ASAP3: variants seen among roughly 807,000 people sequenced by gnomAD.
The protein encoded by ASAP3 is ArfGAP with SH3 domain, ankyrin repeat and PH domain 3.
ASAP3 carries 85 observed loss-of-function variants against 118.2 expected under a neutral mutation model. The ratio of observed to expected loss-of-function variants is 0.72; its 90% CI spans 0.60 to 0.86. The LOEUF (loss-of-function observed/expected upper bound fraction) is 0.86, where lower values mean the gene tolerates loss of function less well. Ranked by LOEUF, ASAP3 falls within the 40% of genes least tolerant of loss-of-function variation. The pLI is 0.00. For missense variants in ASAP3, 1,026 were observed against 1,175.0 expected (o/e 0.87, Z 1.85); for synonymous variants, 432 against 477.4 (o/e 0.90, Z 1.24).
chr1:23,465,101 T>C (rs1285791738), intron 1 of ASAP3, among the ~76,000 whole-genome samples: 1 of 152,248 alleles, frequency 6.6e-6, no homozygotes, highest in Non-Finnish European at 1.5e-5. Context: ...AAGTAAATTC[T>C]ATAGGTAAAG....
chr1:23,477,010 T>C lies in ASAP3; in HGVS notation c.129+6995A>G. The stretch of plus-strand genomic sequence containing the variant: ...AGTCAAAATCTATTGACAAATTAGA[T>C]CTTAATAAAATAATATTTTGTCGGG... On this transcript the variant is annotated intron_variant, in intron 1 of 24. Transcript: ENST00000336689. Among the ~76,000 whole-genome samples, 4 of 152,004 alleles carry C rather than the reference T, an allele frequency of 2.6e-5. 1 individual carries two copies. The South Asian group carries it at 8.3e-4, about 32-fold the overall frequency.
At chr1:23,448,167 G>A (rs1641105191) in intron 5 of ASAP3, among the ~76,000 whole-genome samples, 1 of 152,322 alleles carries the variant, frequency 6.6e-6, no homozygotes, top group Middle Eastern at 3.4e-3. Flanking sequence ...TACTAAGACC[G>A]AGATCATTGC....
intron 5 of ASAP3, among the ~76,000 whole-genome samples, chr1:23,451,023 G>A (rs1390411426): frequency 1.3e-5 from 2 of 152,194 alleles, no homozygotes; most frequent in African/African-American, 4.8e-5. Flanking sequence ...TGACACTGAG[G>A]AACGAGGAGC....
At chr1:23,454,619 C>T (rs958175266) in intron 3 of ASAP3, among the ~76,000 whole-genome samples, 2 of 152,200 alleles carry the variant, frequency 1.3e-5, no homozygotes, top group African/African-American at 4.8e-5. Flanking sequence ...CACCCAGCCT[C>T]AAACACTGTT....
intron 1 of ASAP3, among the ~76,000 whole-genome samples, chr1:23,458,775 T>G (rs1204951145): frequency 6.6e-6 from 1 of 151,720 alleles, no homozygotes; most frequent in Non-Finnish European, 1.5e-5. Flanking sequence ...CAGAAGCATG[T>G]GTTTACCAAA....
chr1:23,454,605 G>A (rs1004555677), intron 3 of ASAP3, among the ~76,000 whole-genome samples: 2 of 152,304 alleles, frequency 1.3e-5, no homozygotes, highest in South Asian at 2.1e-4. Flanking sequence ...GGTTTGAAAT[G>A]TTGCACCCAG....
chr1:23,477,580 G>A (rs1642173409), intron 1 of ASAP3, among the ~76,000 whole-genome samples: 1 of 151,976 alleles, frequency 6.6e-6, no homozygotes, highest in Non-Finnish European at 1.5e-5. Flanking sequence ...AGGTAACTAA[G>A]GCCACACGTG....
chr1:23,433,743 C>T (rs1238328372), intron 19 of ASAP3, 50 bp from the exon 20 acceptor site: 3 of 1,610,692 alleles, frequency 1.9e-6, no homozygotes, highest in Non-Finnish European at 2.5e-6. Flanking sequence ...AGAAACATTA[C>T]AGCTTAGAGA....
In ASAP3 at chr1:23,433,639, TCC is replaced by T; in HGVS notation, c.2004_2005del (p.Glu669ValfsTer2). On this transcript the variant is annotated frameshift_variant, in exon 20 of 25. Transcript: ENST00000336689. LOFTEE classifies it high-confidence loss of function. Reference sequence around the variant, plus strand: ...CCGAGTCCTCACCAGCTCCTCACACTCCTTGTGGTGCTTCTTCCTGGCTATGT... The same window carrying T: ...CCGAGTCCTCACCAGCTCCTCACACTTTGTGGTGCTTCTTCCTGGCTATGT... 6.2e-7 allele frequency: 1 copy of T among 1,614,196 alleles called. No homozygotes were observed. The highest frequency in any genetic ancestry group is 8.5e-7 in the Non-Finnish European group (1 of 1,180,036).
intron 1 of ASAP3, among the ~76,000 whole-genome samples, chr1:23,471,591 G>C (rs570372991): frequency 6.6e-6 from 1 of 152,274 alleles, no homozygotes; most frequent in Admixed American, 6.5e-5. Flanking sequence ...TAAGGACTCC[G>C]GCTTTCAAGT....
chr1:23,449,060 TC>T (rs1641133416), intron 5 of ASAP3, among the ~76,000 whole-genome samples: 3 of 152,074 alleles, frequency 2.0e-5, no homozygotes, highest in Non-Finnish European at 4.4e-5. Context: ...TAACAGTCTC[TC>T]TCAGAACAGG....
intron 3 of ASAP3, among the ~76,000 whole-genome samples, chr1:23,453,379 C>T (rs184883841): frequency 2.0e-5 from 3 of 152,218 alleles, no homozygotes; most frequent in East Asian, 1.9e-4. Context: ...GGAACAGGCA[C>T]GCACCCAAGC....
intron 5 of ASAP3, among the ~76,000 whole-genome samples, chr1:23,447,777 A>C (rs953099208): frequency 6.6e-6 from 1 of 152,230 alleles, no homozygotes; most frequent in Admixed American, 6.5e-5. Flanking sequence ...AAAAGATGCT[A>C]CTTAACTCAA....
upstream of ASAP3, chr1:23,484,412 C>A (rs11576576): frequency 4.1e-6 from 1 of 241,838 alleles, no homozygotes. Context: ...CGCCGGCCCC[C>A]TAGGCCACGC....
chr1:23,454,761 T>A (rs927913767), intron 3 of ASAP3, among the ~76,000 whole-genome samples: 16 of 152,266 alleles, frequency 1.1e-4, no homozygotes, highest in African/African-American at 3.9e-4. Context: ...CAACATTTAC[T>A]GAGCGCTTAC....
intron 22 of ASAP3, 77 bp downstream of exon 22, chr1:23,433,000 A>G: frequency 6.5e-7 from 1 of 1,548,238 alleles, no homozygotes; most frequent in Non-Finnish European, 8.8e-7. Flanking sequence ...TAACATATGC[A>G]CTCAGCTCAG....
At chr1:23,442,412 C>G in intron 6 of ASAP3, 89 bp downstream of exon 6, 2 of 1,594,780 alleles carry the variant, frequency 1.3e-6, no homozygotes. Context: ...GTGGCCAGGA[C>G]CTGAGCTGAG....
At chr1:23,449,393 G>C (rs1330626352) in intron 5 of ASAP3, among the ~76,000 whole-genome samples, 1 of 152,100 alleles carries the variant, frequency 6.6e-6, no homozygotes, top group African/African-American at 2.4e-5. Flanking sequence ...TACAGGGCCC[G>C]GGATGCCTTT....
intron 23 of ASAP3, among the ~76,000 whole-genome samples, chr1:23,431,341 A>G (rs984451912): frequency 1.8e-4 from 27 of 152,242 alleles, no homozygotes; most frequent in Non-Finnish European, 3.4e-4. Flanking sequence ...CCCAAACTCC[A>G]GACTGAATGG....
Sources: gnomAD v4.1 joint callset for allele counts (sites outside exome capture counted in the v4.1 genomes callset) on GRCh38, gnomAD v4.1.1 for gene constraint, MANE v1.5 for transcripts, NCBI Gene and HGNC (gene_info 2026-07-23, HGNC 2026-07-21) for gene names.